Variants in ARIH1 observed in about 807,000 individuals in gnomAD.
ARIH1 encodes the protein E3 ubiquitin-protein ligase ARIH1.
Under a neutral mutation model 85.0 loss-of-function variants are expected in ARIH1, and 8 were observed. That is an observed-to-expected ratio of 0.09 (90% CI 0.06 to 0.17). ARIH1 has a LOEUF of 0.17. Ranked by LOEUF, ARIH1 falls within the 10% of genes least tolerant of loss-of-function variation. ARIH1 has a pLI of 1.00. For missense variants in ARIH1, 311 were observed against 718.1 expected (o/e 0.43, Z 6.48); for synonymous variants, 238 against 253.6 (o/e 0.94, Z 0.59).
At chr15:72,498,441 C>A (rs533457338) in intron 1 of ARIH1, among the ~76,000 whole-genome samples, 1 of 152,196 alleles carries the variant, frequency 6.6e-6, no homozygotes, top group African/African-American at 2.4e-5. Context: ...TTTGTGTCTT[C>A]TTCCTTTCCC....
intron 9 of ARIH1, among the ~76,000 whole-genome samples, chr15:72,569,115 C>T (rs1279449743): frequency 6.6e-6 from 1 of 152,070 alleles, no homozygotes; most frequent in Non-Finnish European, 1.5e-5. Context: ...TTGAGACCAA[C>T]CTGGGCAACA....
At chr15:72,545,053 G>A in intron 3 of ARIH1, 89 bp downstream of exon 3, 1 of 1,253,996 alleles carries the variant, frequency 8.0e-7, no homozygotes, top group Non-Finnish European at 1.1e-6. Context: ...AAAATTTGTG[G>A]GTCTGGGAGT....
At chr15:72,542,203 A>G (rs371238000) in intron 2 of ARIH1, among the ~76,000 whole-genome samples, 8 of 152,246 alleles carry the variant, frequency 5.3e-5, no homozygotes, top group African/African-American at 1.7e-4. Flanking sequence ...ATCTTTGGGT[A>G]TAGAGGTCTT....
At chr15:72,508,309 A>G (rs1183861952) in intron 1 of ARIH1, among the ~76,000 whole-genome samples, 1 of 152,236 alleles carries the variant, frequency 6.6e-6, no homozygotes, top group Non-Finnish European at 1.5e-5. Context: ...TGGTTTGTTT[A>G]TATCCTTTAA....
Position 72,561,463 on chromosome 15 carries a change from A to G in ARIH1, c.738-20A>G, listed in dbSNP as rs375262114. The stretch of plus-strand genomic sequence containing the variant: ...CTCTTGACTGGAAACTTTCTAATCT[A>G]TTTTTATTCTTGGTTTCAGGCGCCT... On this transcript the variant is annotated intron_variant, in intron 5 of 13. Coordinates refer to ENST00000379887, the MANE Select transcript of ARIH1 (RefSeq NM_005744.5). The G allele has an allele frequency of 2.1e-4, 322 of 1,540,536 alleles. 7 individuals carry two copies. In the East Asian group the frequency reaches 5.5e-3, roughly 26 times the overall value.
intron 1 of ARIH1, among the ~76,000 whole-genome samples, chr15:72,485,429 A>C (rs900976433): frequency 6.6e-6 from 1 of 152,182 alleles, no homozygotes; most frequent in African/African-American, 2.4e-5. Context: ...CTGCTTTTGT[A>C]AGAAATCTTT....
intron 1 of ARIH1, among the ~76,000 whole-genome samples, chr15:72,512,258 A>G (rs1270094504): frequency 6.6e-6 from 1 of 151,952 alleles, no homozygotes; most frequent in Non-Finnish European, 1.5e-5. Context: ...TTCCAGTGAC[A>G]CCATTTTTGG....
At chr15:72,525,078 A>G (rs369591647) in intron 2 of ARIH1, among the ~76,000 whole-genome samples, 4 of 151,954 alleles carry the variant, frequency 2.6e-5, no homozygotes, top group Admixed American at 2.6e-4. Flanking sequence ...TTTAGTAGAG[A>G]TGGGGTTTCA....
intron 1 of ARIH1, among the ~76,000 whole-genome samples, chr15:72,485,374 A>C (rs2063833823): frequency 1.3e-5 from 2 of 152,132 alleles, no homozygotes; most frequent in South Asian, 4.1e-4. Context: ...GTTAAACAAG[A>C]ATCTTTCCTG....
intron 11 of ARIH1, among the ~76,000 whole-genome samples, chr15:72,577,525 T>A (rs1335193557): frequency 6.6e-6 from 1 of 151,704 alleles, no homozygotes; most frequent in Non-Finnish European, 1.5e-5. Flanking sequence ...ATACAAAAAT[T>A]AGCTGGGCGT....
At chr15:72,502,289 A>G (rs779496435) in intron 1 of ARIH1, among the ~76,000 whole-genome samples, 12 of 152,206 alleles carry the variant, frequency 7.9e-5, no homozygotes, top group Admixed American at 2.0e-4. Context: ...ATTTGGGATG[A>G]CATAGAAGGA....
chr15:72,527,200 G>T (rs1266064445), intron 2 of ARIH1, among the ~76,000 whole-genome samples: 1 of 152,182 alleles, frequency 6.6e-6, no homozygotes, highest in Non-Finnish European at 1.5e-5. Flanking sequence ...TAGGTGTGAA[G>T]GTTGTGCAGT....
In ARIH1 at chr15:72,597,431, T is replaced by A. The variant is rs544403526; in HGVS notation, c.*14139T>A. 2.7e-5 allele frequency: 4 copies of A among 145,804 alleles called. No individual in the cohort carries two copies. The South Asian group carries it at 8.5e-4, about 31-fold the overall frequency. The allele number at this position is 145,804 out of a possible 1,614,324, so 9.0% of individuals were successfully genotyped here. On this transcript the variant is annotated 3_prime_UTR_variant, in exon 14 of 14. Coordinates refer to ENST00000379887, the MANE Select transcript of ARIH1 (RefSeq NM_005744.5). ...CTACTTTACAACCTTGCTGCCAGGA[T>A]TTTTTTTTTTAATCAATGGGCTGGG...
At chr15:72,578,816 G>GTTTTTTTTTTTTTTTTTTTTTTTT (rs11385438) in intron 11 of ARIH1, among the ~76,000 whole-genome samples, 3 of 140,930 alleles carry the variant, frequency 2.1e-5, no homozygotes, top group Non-Finnish European at 3.1e-5. Context: ...GTTTTTTGGT[G>GTTTTTTTTTTTTTTTTTTTTTTTT]TTTTGTTTTT....
intron 2 of ARIH1, among the ~76,000 whole-genome samples, chr15:72,521,603 A>G (rs1000820211): frequency 2.4e-4 from 37 of 151,872 alleles, no homozygotes; most frequent in Non-Finnish European, 1.3e-4. Context: ...GAGGGAGTGC[A>G]AGTGGTGCCA....
intron 11 of ARIH1, among the ~76,000 whole-genome samples, chr15:72,576,962 G>T (rs2064274129): frequency 6.6e-6 from 1 of 150,932 alleles, no homozygotes; most frequent in Non-Finnish European, 1.5e-5. Context: ...TATGTTACAT[G>T]TTTTATTATA....
chr15:72,509,567 C>T (rs1432482975), intron 1 of ARIH1, among the ~76,000 whole-genome samples: 3 of 151,916 alleles, frequency 2.0e-5, no homozygotes, highest in Non-Finnish European at 4.4e-5. Context: ...TGTACCCTAT[C>T]CTTACTTATT....
chr15:72,568,772 C>T (rs2064231466), intron 9 of ARIH1, among the ~76,000 whole-genome samples: 1 of 152,058 alleles, frequency 6.6e-6, no homozygotes, highest in Non-Finnish European at 1.5e-5. Flanking sequence ...TGTAAAATTT[C>T]TTATGTGGGT....
chr15:72,524,523 T>C (rs1158733802), intron 2 of ARIH1, among the ~76,000 whole-genome samples: 2 of 152,182 alleles, frequency 1.3e-5, no homozygotes, highest in African/African-American at 2.4e-5. Context: ...CACTTTTACA[T>C]ACATTTGAAA....
Sources: gnomAD v4.1 joint callset for allele counts (sites outside exome capture counted in the v4.1 genomes callset) on GRCh38, gnomAD v4.1.1 for gene constraint, MANE v1.5 for transcripts, NCBI Gene and HGNC (gene_info 2026-07-23, HGNC 2026-07-21) for gene names.